The following PDS5A variants were observed in gnomAD, a reference collection of about 807,000 sequenced individuals.
PDS5A encodes the protein sister chromatid cohesion protein PDS5 homolog A.
Under a neutral mutation model 167.1 loss-of-function variants are expected in PDS5A, and 42 were observed. The observed-to-expected ratio is 0.25, with a 90% confidence interval of 0.20 to 0.33. The LOEUF is 0.33. Among genes scored for constraint, PDS5A ranks in the 10% least tolerant of loss-of-function variants. The pLI is 1.00. For synonymous variants in PDS5A, 553 were observed against 554.6 expected (o/e 1.00, Z 0.04); for missense variants, 1,033 against 1,605.9 (o/e 0.64, Z 6.10).
At chr4:39,829,614 T>C in intron 32 of PDS5A, among the ~76,000 whole-genome samples, 1 of 148,054 alleles carries the variant, frequency 6.8e-6, no homozygotes, top group African/African-American at 2.5e-5. Flanking sequence ...GCCACTACAC[T>C]CCAGCCTGGG....
At chr4:39,831,875 C>CAAAAAAAAAAAAAAAAAAAAAAA (rs58913167) in intron 32 of PDS5A, among the ~76,000 whole-genome samples, 1 of 25,936 alleles carries the variant, frequency 3.9e-5, no homozygotes, top group Non-Finnish European at 6.6e-5. Context: ...AAACTCGTCT[C>CAAAAAAAAAAAAAAAAAAAAAAA]AAAAAAAAAA....
chr4:39,923,540 A>G (rs1725189475), intron 5 of PDS5A, among the ~76,000 whole-genome samples: 1 of 150,890 alleles, frequency 6.6e-6, no homozygotes, highest in Non-Finnish European at 1.5e-5. Flanking sequence ...GAAGGCTGAC[A>G]TGGGAGGATC....
chr4:39,976,655 C>G, intron 1 of PDS5A, 38 bp from the exon 2 acceptor site: 1 of 1,093,502 alleles, frequency 9.1e-7, no homozygotes. Flanking sequence ...GGGAAAGGGG[C>G]GACTTTGTAA....
At chr4:39,951,244 G>C (rs954834227) in intron 2 of PDS5A, among the ~76,000 whole-genome samples, 3 of 152,094 alleles carry the variant, frequency 2.0e-5, no homozygotes, top group African/African-American at 2.4e-5. Flanking sequence ...GTCTTTCTGT[G>C]ACTACATAAT....
At chr4:39,875,776 TC>T (rs1720412406) in intron 19 of PDS5A, among the ~76,000 whole-genome samples, 1 of 152,216 alleles carries the variant, frequency 6.6e-6, no homozygotes, top group Non-Finnish European at 1.5e-5. Flanking sequence ...GTTTAGTCTT[TC>T]ACCATTCCAT....
rs1441924474 is a variant in PDS5A at position 39,863,074 on chromosome 4, C to T, written c.2767-1G>A. 6.2e-7 allele frequency: 1 copy of T among 1,610,496 alleles called. No individual in the cohort carries two copies. Among genetic ancestry groups the T allele is most frequent in the Non-Finnish European group, 8.5e-7 (1 of 1,177,836 alleles). Reference sequence around the variant, plus strand: ...TCTGCCTTACTTGGTAACACTCATCCTACAGCAGCACAGAAAAACTTAAAT... The same window carrying T: ...TCTGCCTTACTTGGTAACACTCATCTTACAGCAGCACAGAAAAACTTAAAT... On this transcript the variant is annotated splice_acceptor_variant, in intron 24 of 32. Transcript: ENST00000303538. LOFTEE classifies it high-confidence loss of function.
chr4:39,962,809 G>A (rs1425670311), intron 2 of PDS5A, among the ~76,000 whole-genome samples: 1 of 151,654 alleles, frequency 6.6e-6, no homozygotes, highest in African/African-American at 2.4e-5. Context: ...AGGAAGAGGG[G>A]GAATTAACCA....
chr4:39,973,501 G>A (rs1296619904), intron 2 of PDS5A: 8 of 1,316,536 alleles, frequency 6.1e-6, no homozygotes, highest in Non-Finnish European at 8.8e-6. Flanking sequence ...TATTGATGAT[G>A]AACGTCTCCA....
intron 31 of PDS5A, 53 bp from the exon 32 acceptor site, chr4:39,838,261 T>A: frequency 8.2e-7 from 1 of 1,223,576 alleles, no homozygotes; most frequent in East Asian, 2.5e-5. Context: ...ATATTAATGA[T>A]CTCTATTAGA....
intron 2 of PDS5A, among the ~76,000 whole-genome samples, chr4:39,930,256 TTTTTTG>T (rs1725931695): frequency 6.0e-5 from 7 of 116,974 alleles, no homozygotes; most frequent in South Asian, 6.0e-4. Flanking sequence ...AGTTTTTTTG[TTTTTTG>T]TTTTTTTTTT....
At chr4:39,885,338 T>A (rs1226007121) in intron 17 of PDS5A, among the ~76,000 whole-genome samples, 1 of 150,014 alleles carries the variant, frequency 6.7e-6, no homozygotes, top group African/African-American at 2.5e-5. Context: ...TGGTGGCTCA[T>A]GCCTGAAATA....
intron 2 of PDS5A, among the ~76,000 whole-genome samples, chr4:39,940,503 T>A (rs1727123888): frequency 6.6e-6 from 1 of 152,176 alleles, no homozygotes. Context: ...TATATAAGAA[T>A]TTTAGATACA....
chr4:39,849,388 T>C, intron 27 of PDS5A, 132 bp downstream of exon 27: 1 of 621,904 alleles, frequency 1.6e-6, no homozygotes, highest in Non-Finnish European at 2.8e-6. Context: ...AAAAACTGAC[T>C]ACACATTTAC....
intron 14 of PDS5A, among the ~76,000 whole-genome samples, chr4:39,899,749 T>A (rs1021501967): frequency 6.7e-6 from 1 of 149,310 alleles, no homozygotes; most frequent in Admixed American, 6.8e-5. Flanking sequence ...TTCAGAAGGC[T>A]GAGGTGGGAG....
rs750064518 is a variant in PDS5A, at chr4:39,917,138, T to C, written c.786A>G (p.Ser262=). 7.7e-6 allele frequency: 12 copies of C among 1,562,534 alleles called. No homozygotes were observed. Among genetic ancestry groups the C allele is most frequent in the Non-Finnish European group, 1.0e-5 (12 of 1,157,954 alleles). Residue 262 remains serine, a synonymous_variant, in exon 8 of 33, where the codon TCA becomes TCG. Coordinates refer to ENST00000303538, the MANE Select transcript of PDS5A (RefSeq NM_001100399.2). ...VLGRSSVSDL[S]EHVFDLIQEL... ...CCTGAATCAGATCAAATACATGTTC[T>C]GACAAATCACTTACTGATGATCTTC...
intron 8 of PDS5A, among the ~76,000 whole-genome samples, chr4:39,914,670 G>A (rs918820639): frequency 1.3e-5 from 2 of 152,166 alleles, no homozygotes; most frequent in African/African-American, 2.4e-5. Flanking sequence ...TAAAAATTCT[G>A]TTCCAGTTTC....
At chr4:39,889,789 A>T (rs1335903217) in intron 17 of PDS5A, among the ~76,000 whole-genome samples, 1 of 152,236 alleles carries the variant, frequency 6.6e-6, no homozygotes, top group Non-Finnish European at 1.5e-5. Context: ...CAAAGCCACA[A>T]AGTAGACTTA....
intron 16 of PDS5A, chr4:39,898,128 TCTA>T: frequency 8.5e-7 from 1 of 1,178,622 alleles, no homozygotes; most frequent in Non-Finnish European, 1.0e-6. Context: ...TCAATGAATG[TCTA>T]CTAAGTTCAA....
At chr4:39,900,933 A>T (rs985703685) in intron 13 of PDS5A, among the ~76,000 whole-genome samples, 3 of 152,236 alleles carry the variant, frequency 2.0e-5, no homozygotes, top group African/African-American at 7.2e-5. Flanking sequence ...CTTATTAAAA[A>T]GGCTAAGGCA....
Sources: gnomAD v4.1 joint callset for allele counts (sites outside exome capture counted in the v4.1 genomes callset) on GRCh38, gnomAD v4.1.1 for gene constraint, MANE v1.5 for transcripts, NCBI Gene and HGNC (gene_info 2026-07-23, HGNC 2026-07-21) for gene names.